The following SHFL variants were observed in gnomAD, a reference collection of about 807,000 sequenced individuals.
SHFL encodes shiftless antiviral inhibitor of ribosomal frameshifting, also known as shiftless antiviral inhibitor of ribosomal frameshifting protein.
Under a neutral mutation model 34.7 loss-of-function variants are expected in SHFL, and 12 were observed. The ratio of observed to expected loss-of-function variants is 0.35; its 90% CI spans 0.22 to 0.56. The LOEUF is 0.56. Ranked by LOEUF, SHFL falls within the 20% of genes least tolerant of loss-of-function variation. SHFL has a pLI of 0.88. For synonymous variants in SHFL, 148 were observed against 156.0 expected, an observed-to-expected ratio of 0.95 and a Z score of 0.38; for missense variants, 278 against 411.1, an observed-to-expected ratio of 0.68 and a Z score of 2.80.
rs758293850 is a variant in SHFL at position 10,092,276 on chromosome 19, G to A, written c.850G>A (p.Asp284Asn). The A allele has an allele frequency of 1.3e-6, 2 of 1,593,410 alleles. No homozygotes were observed. Among genetic ancestry groups the A allele is most frequent in the African/African-American group, 1.3e-5 (1 of 74,494 alleles). ...EEEEEEEEVE[D>N]EEGGPRE is the part of the protein sequence containing the mutation. Reference sequence around the variant, plus strand: ...GGAGGAGGAAGAGGAGGAGGTGGAGGACGAGGAGGGCGGGCCCAGGGAGTG... The same window carrying A: ...GGAGGAGGAAGAGGAGGAGGTGGAGAACGAGGAGGGCGGGCCCAGGGAGTG... Residue 284 changes from aspartate to asparagine, a missense_variant, in exon 8 of 8, where the codon GAC becomes AAC. Around this residue, in one of 2 missense-constraint regions of SHFL, gnomAD observed 35 missense variants for 24.9 expected, o/e 1.41. Transcript: ENST00000253110.
Position 10,092,887 on chromosome 19 carries a change from T to C in SHFL, c.*585T>C, listed in dbSNP as rs1033976161. On this transcript the variant is annotated 3_prime_UTR_variant, in exon 8 of 8. Coordinates refer to ENST00000253110, the MANE Select transcript of SHFL (RefSeq NM_018381.4). The stretch of plus-strand genomic sequence containing the variant: ...CATCCCCTGGCCCCTCCCATTCTTA[T>C]TGAATACAAGCCCTGATCTTCCATC... 3.2e-6 allele frequency: 3 copies of C among 926,448 alleles called. No homozygotes were observed. The highest frequency in any genetic ancestry group is 2.3e-5 in the South Asian group (1 of 43,164). The allele number at this position is 926,448 out of a possible 1,614,324, so 57.4% of individuals were successfully genotyped here. A position where few individuals can be genotyped will look rare whatever the true frequency, so the allele number is the denominator to read the frequency against.
chr19:10,092,110 C>A lies in SHFL; in HGVS notation c.684C>A (p.Ser228Arg), dbSNP rs1343953316. The change falls in exon 8 of 8, where the codon AGC (serine) becomes AGA (arginine). Residue 228 changes from serine (S) to arginine (R), a missense_variant. Coordinates refer to ENST00000253110, the MANE Select transcript of SHFL (RefSeq NM_018381.4). ...GGACATCCTGTGCTCACCCCAAGAGCCGGAAGCAGAACCACCTGCCCAAAG... is the reference window on the plus strand; with the variant it reads ...GGACATCCTGTGCTCACCCCAAGAGACGGAAGCAGAACCACCTGCCCAAAG... ...VPGTSCAHPKSRKQNHLPKVL... is the reference protein window; with the variant it reads ...VPGTSCAHPKRRKQNHLPKVL... The A allele has an allele frequency of 6.2e-7, 1 of 1,613,814 alleles. No homozygotes were observed. Among genetic ancestry groups the A allele is most frequent in the Non-Finnish European group, 8.5e-7 (1 of 1,179,806 alleles).
intron 5 of SHFL, 148 bp downstream of exon 5, chr19:10,090,195 T>C: frequency 1.1e-6 from 1 of 894,100 alleles, no homozygotes; most frequent in Non-Finnish European, 1.7e-6. Flanking sequence ...CCTTGATCTC[T>C]GATCCCAACC....
In SHFL at chr19:10,091,624, C is replaced by G; in HGVS notation, c.637C>G (p.Arg213Gly). ...CTGCTCAGCTGCCGACTGCTACAAC[C>G]GGCGAGGTGAGGCTCTTCTCCCCCA... The part of the protein sequence containing the change: ...HSCSAADCYN[R>G]REPHVPGTSC... Residue 213 changes from arginine (R) to glycine (G), a missense_variant, in exon 7 of 8, where the codon CGG becomes GGG. Around this residue, in one of 2 missense-constraint regions of SHFL, gnomAD observed 243 missense variants for 386.2 expected, o/e 0.63. Coordinates refer to ENST00000253110, the MANE Select transcript of SHFL (RefSeq NM_018381.4). The surrounding 1 kb of genome is among the most constrained non-coding windows in gnomAD (Gnocchi z 8.2). 1 of 1,549,274 alleles carries G rather than the reference C, an allele frequency of 6.5e-7. No homozygotes were observed. Among genetic ancestry groups the G allele is most frequent in the Non-Finnish European group, 8.7e-7 (1 of 1,145,560 alleles).
chr19:10,087,354 G>T (rs2088305136), intron 3 of SHFL, 54 bp downstream of exon 3: 9 of 1,603,332 alleles, frequency 5.6e-6, no homozygotes, highest in African/African-American at 1.3e-5. Context: ...GAGAGCAAGA[G>T]GGGGGACCCG....
chr19:10,090,635 G>A (rs1599276313), intron 5 of SHFL, among the ~76,000 whole-genome samples: 1 of 151,758 alleles, frequency 6.6e-6, no homozygotes, highest in African/African-American at 2.4e-5. Context: ...TGGAGATGGG[G>A]TTTTGCCATG....
In SHFL at chr19:10,086,814, C is replaced by T; in HGVS notation, c.22-115C>T. On this transcript the variant is annotated intron_variant, in intron 1 of 7. Coordinates refer to ENST00000253110, the MANE Select transcript of SHFL (RefSeq NM_018381.4). This position sits in a 1 kb window ranked among gnomAD's most constrained non-coding sequence, Gnocchi z 5.2. Reference sequence around the variant, plus strand: ...AAAGGGATGAAAGGCGGGGGGGGGGCGGCGGAGGCCAAAACCAAGGGTCAA... The same window carrying T: ...AAAGGGATGAAAGGCGGGGGGGGGGTGGCGGAGGCCAAAACCAAGGGTCAA... 2.7e-6 allele frequency: 3 copies of T among 1,101,676 alleles called. No homozygotes were observed. Among genetic ancestry groups the T allele is most frequent in the Non-Finnish European group, 3.8e-6 (3 of 787,632 alleles). 68.2% of individuals were successfully genotyped at this position (1,101,676 alleles called of 1,614,324 possible). A position where few individuals can be genotyped will look rare whatever the true frequency, so the allele number is the denominator to read the frequency against.
At position 10,092,452 on chromosome 19, in the gene SHFL, C is replaced by A. The variant is rs1405512892; in HGVS notation, c.*150C>A. ...GGGGATTCCTGGGTCCCATTTTCAG[C>A]GCCCAGGGTCACAGATCCACAGTGG... On this transcript the variant is annotated 3_prime_UTR_variant, in exon 8 of 8. Transcript: ENST00000253110. 6.6e-7 allele frequency: 1 copy of A among 1,511,688 alleles called. No individual in the cohort carries two copies. The highest frequency in any genetic ancestry group is 8.9e-7 in the Non-Finnish European group (1 of 1,123,084). The allele number at this position is 1,511,688 out of a possible 1,614,324, so 93.6% of individuals were successfully genotyped here. A position where few individuals can be genotyped will look rare whatever the true frequency, so the allele number is the denominator to read the frequency against.
In SHFL at chr19:10,086,799, A is replaced by T. The variant is rs2088292415; in HGVS notation, c.22-130A>T. ...TCCAGGAAATGCCGTAAAGGGATGA[A>T]AGGCGGGGGGGGGGCGGCGGAGGCC... On this transcript the variant is annotated intron_variant, in intron 1 of 7. Coordinates refer to ENST00000253110, the MANE Select transcript of SHFL (RefSeq NM_018381.4). The surrounding 1 kb of genome is among the most constrained non-coding windows in gnomAD (Gnocchi z 5.2). 3 of 1,163,504 alleles carry T rather than the reference A, an allele frequency of 2.6e-6. No homozygotes were observed. Among genetic ancestry groups the T allele is most frequent in the African/African-American group, 1.6e-5 (1 of 61,216 alleles). The allele number at this position is 1,163,504 out of a possible 1,614,324, so 72.1% of individuals were successfully genotyped here.
At chr19:10,087,952 A>G (rs2088315282) in intron 3 of SHFL, 1 of 155,602 alleles carries the variant, frequency 6.4e-6, no homozygotes, top group African/African-American at 2.4e-5. Context: ...TGAAAGGCTT[A>G]GTGTAGGGCT....
intron 3 of SHFL, chr19:10,089,023 C>T (rs2145154191): frequency 2.9e-6 from 1 of 347,692 alleles, no homozygotes; most frequent in East Asian, 7.4e-5. Context: ...TTGAGTACTT[C>T]CCACATGGCA....
rs1343316140 is a variant in SHFL, at chr19:10,092,534, T to C, written c.*232T>C. ...ACAAAGAAGGTGTGGCCAGAACAAC[T>C]TGGGCTCCTGCTGACCAATGTCCTC... On this transcript the variant is annotated 3_prime_UTR_variant, in exon 8 of 8. Transcript: ENST00000253110. 81 of 1,549,108 alleles carry C rather than the reference T, an allele frequency of 5.2e-5. No individual in the cohort carries two copies. Among genetic ancestry groups the C allele is most frequent in the Non-Finnish European group, 6.7e-5 (77 of 1,144,158 alleles).
chr19:10,089,791 C>T, intron 4 of SHFL, 96 bp downstream of exon 4: 1 of 1,555,250 alleles, frequency 6.4e-7, no homozygotes, highest in Non-Finnish European at 8.7e-7. Flanking sequence ...GAGATATTCA[C>T]TGGGGCAGGA....
intron 5 of SHFL, chr19:10,090,414 A>G (rs2088360182): frequency 5.3e-6 from 1 of 186,936 alleles, no homozygotes. Flanking sequence ...CCTGGGTGAC[A>G]GGGTGAGACC....
intron 3 of SHFL, among the ~76,000 whole-genome samples, chr19:10,088,558 TTCTCCG>T (rs999616884): frequency 1.3e-5 from 2 of 151,174 alleles, no homozygotes; most frequent in African/African-American, 4.9e-5. Context: ...AACAGAGCGA[TTCTCCG>T]TCTCAAACAA....
intron 3 of SHFL, chr19:10,089,406 C>T (rs747905526): frequency 6.3e-7 from 1 of 1,595,746 alleles, no homozygotes; most frequent in Non-Finnish European, 8.5e-7. Flanking sequence ...GCTAGCCTCA[C>T]TCAGGCAAGC....
At position 10,086,764 on chromosome 19, in the gene SHFL, T is replaced by A; in HGVS notation, c.22-165T>A. 1 of 910,076 alleles carries A rather than the reference T, an allele frequency of 1.1e-6. No individual in the cohort carries two copies. 56.4% of individuals were successfully genotyped at this position (910,076 alleles called of 1,614,324 possible). A position where few individuals can be genotyped will look rare whatever the true frequency, so the allele number is the denominator to read the frequency against. On this transcript the variant is annotated intron_variant, in intron 1 of 7. Coordinates refer to ENST00000253110, the MANE Select transcript of SHFL (RefSeq NM_018381.4). This position sits in a 1 kb window ranked among gnomAD's most constrained non-coding sequence, Gnocchi z 5.2. ...CCTTCCCCCAACGCCCTGTGGGGAC[T>A]TTGGCTTTTTCCAGGAAATGCCGTA...
chr19:10,091,935 G>A lies in SHFL; in HGVS notation c.644-135G>A. 1 of 1,118,592 alleles carries A rather than the reference G, an allele frequency of 8.9e-7. No individual in the cohort carries two copies. The highest frequency in any genetic ancestry group is 2.7e-4 in the Middle Eastern group (1 of 3,770). The allele number at this position is 1,118,592 out of a possible 1,614,324, so 69.3% of individuals were successfully genotyped here. On this transcript the variant is annotated intron_variant, in intron 7 of 7. Coordinates refer to ENST00000253110, the MANE Select transcript of SHFL (RefSeq NM_018381.4). This position sits in a 1 kb window ranked among gnomAD's most constrained non-coding sequence, Gnocchi z 8.2. ...GGTCTCCTGTATCTTCAACACCCCT[G>A]AATGTCCAGTTGTGCTGGTCCCCGT...
In SHFL at chr19:10,091,431, G is replaced by A. The variant is rs1480990233; in HGVS notation, c.489-45G>A. 1.3e-6 allele frequency: 2 copies of A among 1,504,250 alleles called. No homozygotes were observed. The highest frequency in any genetic ancestry group is 2.0e-5 in the Admixed American group (1 of 49,246). 93.2% of individuals were successfully genotyped at this position (1,504,250 alleles called of 1,614,324 possible). ...CCCCTCCCTGCCCTGGCCCCACCCTGGCCCAGCCTCGCCCTCGGACCCTCA... is the reference window on the plus strand; with the variant it reads ...CCCCTCCCTGCCCTGGCCCCACCCTAGCCCAGCCTCGCCCTCGGACCCTCA... On this transcript the variant is annotated intron_variant, in intron 6 of 7. Transcript: ENST00000253110. The surrounding 1 kb of genome is among the most constrained non-coding windows in gnomAD (Gnocchi z 8.2).
Sources: allele counts gnomAD v4.1 joint callset (sites outside exome capture counted in the v4.1 genomes callset), GRCh38; gene constraint gnomAD v4.1.1; regional missense constraint gnomAD v4.1.1; non-coding constraint Gnocchi (gnomAD v3.1); transcripts MANE v1.5; gene names NCBI Gene and HGNC (gene_info 2026-07-23, HGNC 2026-07-21).